The following AATF variants were observed in gnomAD, a reference collection of about 807,000 sequenced individuals.
The protein encoded by AATF is protein AATF.
Under a neutral mutation model 63.7 loss-of-function variants are expected in AATF, and 48 were observed. The observed-to-expected ratio is 0.75, with a 90% CI of 0.60 to 0.96. The LOEUF (loss-of-function observed/expected upper bound fraction) is 0.96. Ranked by LOEUF, AATF falls within the 40% of genes least tolerant of loss-of-function variation. AATF has a pLI of 0.00. For missense variants in AATF, 639 were observed against 685.7 expected (o/e 0.93, Z 0.76); for synonymous variants, 258 against 247.7 (o/e 1.04, Z -0.39).
chr17:37,021,001 G>A lies in AATF; in HGVS notation c.1534G>A (p.Gly512Ser), dbSNP rs769637464. Reference protein sequence around the residue: ...HKKVDRKASKGRKLRFHVLSK... With the variant: ...HKKVDRKASKSRKLRFHVLSK... ...AAAAGTAGATAGGAAAGCCAGCAAA[G>A]GCAGGAAACTTCGGTGAGTTACTTT... The change falls in exon 10 of 12, where the codon GGC (glycine) becomes AGC (serine). Residue 512 changes from glycine to serine, a missense_variant. Physicochemically the swap from Gly to Ser is moderately conservative, Grantham distance 56. Transcript: ENST00000619387. 3.1e-6 allele frequency: 5 copies of A among 1,610,306 alleles called. No individual in the cohort carries two copies. Among genetic ancestry groups the A allele is most frequent in the Non-Finnish European group, 4.2e-6 (5 of 1,178,170 alleles).
chr17:36,979,061 A>T lies in AATF; in HGVS notation c.833-7556A>T, dbSNP rs964039945. On this transcript the variant is annotated intron_variant, in intron 4 of 11. Coordinates refer to ENST00000619387, the MANE Select transcript of AATF (RefSeq NM_012138.4). ...CCAAAGTAATAGGATTCCTCTGGCC[A>T]CCGGCAATTAATAAATTTGTGTCTT... is the stretch of plus-strand genomic sequence containing the variant. Among the ~76,000 whole-genome samples the T allele has an allele frequency of 2.0e-5, 3 of 152,054 alleles. No individual in the cohort carries two copies. In the South Asian group the frequency reaches 6.2e-4, roughly 31 times the overall value.
At chr17:37,044,923 G>A (rs569410929) in intron 11 of AATF, among the ~76,000 whole-genome samples, 2 of 152,302 alleles carry the variant, frequency 1.3e-5, no homozygotes, top group African/African-American at 4.8e-5. Flanking sequence ...GGGCTCTGTA[G>A]TGATTTATAG....
chr17:36,973,880 G>A (rs943947563), intron 4 of AATF, among the ~76,000 whole-genome samples: 3 of 152,180 alleles, frequency 2.0e-5, no homozygotes, highest in African/African-American at 7.2e-5. Context: ...AGACCAGCCT[G>A]GCCAACGTGG....
chr17:36,964,170 C>CCT (rs1555647234), intron 4 of AATF, among the ~76,000 whole-genome samples: 16 of 101,390 alleles, frequency 1.6e-4, no homozygotes, highest in African/African-American at 5.6e-4. Context: ...GGGTGTTTTG[C>CCT]TTTTTTTTTT....
At chr17:36,980,534 G>C (rs1225912282) in intron 4 of AATF, 1 of 152,142 alleles carries the variant, frequency 6.6e-6, no homozygotes, top group Non-Finnish European at 1.5e-5. Context: ...AAAAATTAGA[G>C]GTGAATTAGA....
chr17:37,023,774 C>T (rs1213415034), intron 10 of AATF, among the ~76,000 whole-genome samples: 1 of 151,946 alleles, frequency 6.6e-6, no homozygotes, highest in East Asian at 1.9e-4. Flanking sequence ...CCCAGTCTGC[C>T]CTCAGGGAGC....
chr17:36,952,613 CA>C (rs1486952616), intron 2 of AATF, among the ~76,000 whole-genome samples: 2 of 152,230 alleles, frequency 1.3e-5, no homozygotes, highest in Non-Finnish European at 2.9e-5. Context: ...GAAATTTTGT[CA>C]AAGCACTTCT....
At chr17:36,968,992 G>C (rs1012691335) in intron 4 of AATF, among the ~76,000 whole-genome samples, 2 of 151,876 alleles carry the variant, frequency 1.3e-5, no homozygotes, top group Non-Finnish European at 2.9e-5. Flanking sequence ...TTTTGTTGTT[G>C]TTTTTTTGCT....
chr17:36,968,866 G>A (rs9892088), intron 4 of AATF, among the ~76,000 whole-genome samples: 14,952 of 152,110 alleles, frequency 0.098, 2,343 homozygotes, highest in African/African-American at 0.33. Flanking sequence ...GTGATCAAGC[G>A]ATCCTTCTGC....
intron 5 of AATF, among the ~76,000 whole-genome samples, chr17:36,988,116 C>A (rs1157587918): frequency 6.6e-6 from 1 of 152,124 alleles, no homozygotes; most frequent in Non-Finnish European, 1.5e-5. Context: ...GAGTTTGAAA[C>A]CAGCTTGGCC....
intron 7 of AATF, 123 bp downstream of exon 7, chr17:36,989,534 C>T: frequency 3.9e-6 from 4 of 1,017,518 alleles, no homozygotes; most frequent in Non-Finnish European, 5.4e-6. Flanking sequence ...AGCAACACTA[C>T]TTTACTGGAT....
At chr17:37,038,729 A>G (rs2071612571) in intron 11 of AATF, among the ~76,000 whole-genome samples, 1 of 152,176 alleles carries the variant, frequency 6.6e-6, no homozygotes, top group Admixed American at 6.5e-5. Flanking sequence ...TTTCAATTTT[A>G]GCTCCCTGTT....
intron 11 of AATF, among the ~76,000 whole-genome samples, chr17:37,051,744 T>A (rs532600778): frequency 2.3e-4 from 35 of 151,836 alleles, no homozygotes; most frequent in African/African-American, 8.2e-4. Context: ...ATTCTGTCTT[T>A]ATGGAAAATG....
At chr17:37,028,049 T>C (rs1426693265) in intron 10 of AATF, among the ~76,000 whole-genome samples, 1 of 152,224 alleles carries the variant, frequency 6.6e-6, no homozygotes, top group Non-Finnish European at 1.5e-5. Context: ...GACATAACTT[T>C]TGGGAAGGCA....
intron 8 of AATF, among the ~76,000 whole-genome samples, chr17:36,998,322 A>T (rs907798659): frequency 6.6e-6 from 1 of 152,224 alleles, no homozygotes; most frequent in African/African-American, 2.4e-5. Context: ...CTCTCTTTTC[A>T]CAAGTGCAGA....
intron 8 of AATF, among the ~76,000 whole-genome samples, chr17:37,000,432 C>T (rs77027588): frequency 0.02 from 3,109 of 152,166 alleles, 87 homozygotes; most frequent in African/African-American, 0.069. Context: ...TTATATTGCC[C>T]CCTCCTCCCA....
At chr17:37,033,520 A>G (rs1157612046) in intron 11 of AATF, among the ~76,000 whole-genome samples, 1 of 152,226 alleles carries the variant, frequency 6.6e-6, no homozygotes, top group Non-Finnish European at 1.5e-5. Context: ...AGGTGTACTT[A>G]GTTTTTCCAG....
intron 8 of AATF, among the ~76,000 whole-genome samples, chr17:36,993,241 T>C (rs950897674): frequency 9.8e-5 from 15 of 152,362 alleles, no homozygotes; most frequent in African/African-American, 2.4e-4. Context: ...CATTTTCTTT[T>C]CTTGCCTTTT....
At chr17:37,024,496 C>A (rs182742827) in intron 10 of AATF, among the ~76,000 whole-genome samples, 7 of 152,260 alleles carry the variant, frequency 4.6e-5, no homozygotes, top group Non-Finnish European at 1.0e-4. Flanking sequence ...GCCAACTGGC[C>A]TATACCAGCA....
Sources: allele counts gnomAD v4.1 joint callset (sites outside exome capture counted in the v4.1 genomes callset), GRCh38; gene constraint gnomAD v4.1.1; transcripts MANE v1.5; gene names NCBI Gene and HGNC (gene_info 2026-07-23, HGNC 2026-07-21).